The following TBXAS1 variants were observed in gnomAD, a reference collection of about 807,000 sequenced individuals.
The protein encoded by TBXAS1 is thromboxane A synthase 1, also known as thromboxane-A synthase.
A neutral mutation model predicts 60.7 loss-of-function variants in TBXAS1; 48 were observed. The ratio of observed to expected loss-of-function variants is 0.79; its 90% CI spans 0.63 to 1.01. The LOEUF is 1.01. TBXAS1 is among the 50% of genes least tolerant of loss of function. The probability of loss-of-function intolerance (pLI) is 0.00; values close to 1 mark genes in which losing one functional copy is unlikely to be tolerated. For missense variants in TBXAS1, 685 were observed against 686.3 expected, an observed-to-expected ratio of 1.00 and a Z score of 0.02; for synonymous variants, 287 against 269.7, an observed-to-expected ratio of 1.06 and a Z score of -0.63.
In TBXAS1 at chr7:139,990,300, C is replaced by A. The variant is rs184421392; in HGVS notation, c.1135-16791C>A. 4.3e-4 allele frequency among the ~76,000 whole-genome samples: 65 copies of A among 152,334 alleles called. 1 individual carries two copies. The East Asian group carries it at 0.012, about 27-fold the overall frequency. ...GGCTGGCATCCAGGGGACGTGAGGG[C>A]GCATTCGCCCCAGCGCAGCATTCCT... On this transcript the variant is annotated intron_variant, in intron 9 of 12. Coordinates refer to ENST00000448866, the MANE Select transcript of TBXAS1 (RefSeq NM_001061.7).
chr7:139,925,379 C>G (rs1806802614), intron 4 of TBXAS1, among the ~76,000 whole-genome samples: 1 of 152,016 alleles, frequency 6.6e-6, no homozygotes, highest in South Asian at 2.1e-4. Context: ...AAAGTTAATT[C>G]CTAAGTATTT....
chr7:139,923,629 A>G (rs539288301), intron 4 of TBXAS1, among the ~76,000 whole-genome samples: 1 of 152,064 alleles, frequency 6.6e-6, no homozygotes, highest in African/African-American at 2.4e-5. Context: ...CAAACAATCC[A>G]ATTATAATCA....
At chr7:139,795,278 T>C in intron 4 of TBXAS1, among the ~76,000 whole-genome samples, 1 of 118,810 alleles carries the variant, frequency 8.4e-6, no homozygotes, top group South Asian at 3.1e-4. Context: ...ATGATGAGCA[T>C]TTTTTCATGT....
chr7:139,975,859 C>G lies in TBXAS1; in HGVS notation c.1134+13626C>G, dbSNP rs1473565339. Among the ~76,000 whole-genome samples, 1 of 152,200 alleles carries G rather than the reference C, an allele frequency of 6.6e-6. No homozygotes were observed. The highest frequency in any genetic ancestry group is 1.5e-5 in the Non-Finnish European group (1 of 68,030). ...GCATGGGCAGCTTCTCCCCTGACAT[C>G]CCTACCTCCCTGACGCTTAACCCAC... is the stretch of plus-strand genomic sequence containing the variant. On this transcript the variant is annotated intron_variant, in intron 9 of 12. Transcript: ENST00000448866. This position sits in a 1 kb window ranked among gnomAD's most constrained non-coding sequence, Gnocchi z 4.4.
intron 1 of TBXAS1, among the ~76,000 whole-genome samples, chr7:139,868,554 G>T (rs1324103473): frequency 6.6e-6 from 1 of 151,128 alleles, no homozygotes; most frequent in African/African-American, 2.4e-5. Flanking sequence ...TACAAAAGTA[G>T]CTCATTGTAG....
At chr7:139,920,062 A>G (rs773718422) in intron 4 of TBXAS1, among the ~76,000 whole-genome samples, 4 of 152,168 alleles carry the variant, frequency 2.6e-5, no homozygotes, top group Non-Finnish European at 5.9e-5. Context: ...AGTGCAGCAA[A>G]CCCAGCTCAA....
chr7:139,925,357 T>C (rs1806801565), intron 4 of TBXAS1, among the ~76,000 whole-genome samples: 2 of 152,212 alleles, frequency 1.3e-5, no homozygotes, highest in South Asian at 2.1e-4. Flanking sequence ...AGAGATCTTT[T>C]ACTTCTTCAG....
chr7:139,912,831 A>G (rs1434498493), intron 4 of TBXAS1, among the ~76,000 whole-genome samples: 1 of 152,180 alleles, frequency 6.6e-6, no homozygotes, highest in East Asian at 1.9e-4. Context: ...GATGAGTACA[A>G]TTATCATCTC....
rs1286159761 is a variant in TBXAS1 at position 140,014,512 on chromosome 7, G to C, written c.1227-1211G>C. Among the ~76,000 whole-genome samples the C allele has an allele frequency of 2.6e-5, 4 of 152,170 alleles. No homozygotes were observed. The East Asian group carries it at 5.8e-4, about 22-fold the overall frequency. ...AGGATTTAAGAGGCTGGTGGATGCAGAAGAGCCTGCCAATGAGGGAGAAAT... is the reference window on the plus strand; with the variant it reads ...AGGATTTAAGAGGCTGGTGGATGCACAAGAGCCTGCCAATGAGGGAGAAAT... On this transcript the variant is annotated intron_variant, in intron 10 of 12. Transcript: ENST00000448866.
At chr7:139,984,475 C>T (rs1172005554) in intron 9 of TBXAS1, among the ~76,000 whole-genome samples, 6 of 151,910 alleles carry the variant, frequency 3.9e-5, no homozygotes, top group Non-Finnish European at 7.4e-5. Flanking sequence ...CCTCACCTGC[C>T]ACTCCTGGGT....
chr7:140,001,742 C>A (rs1397475518), intron 9 of TBXAS1, among the ~76,000 whole-genome samples: 1 of 152,122 alleles, frequency 6.6e-6, no homozygotes, highest in East Asian at 1.9e-4. Context: ...CAACTAAAAC[C>A]AAAATGAATG....
chr7:139,865,147 C>A (rs1048636215), intron 1 of TBXAS1, among the ~76,000 whole-genome samples: 1 of 152,106 alleles, frequency 6.6e-6, no homozygotes, highest in African/African-American at 2.4e-5. Context: ...GGAGAGGGGG[C>A]TGAACATGAG....
intron 4 of TBXAS1, among the ~76,000 whole-genome samples, chr7:139,787,581 C>T (rs572995350): frequency 4.6e-5 from 7 of 152,182 alleles, no homozygotes; most frequent in African/African-American, 1.7e-4. Flanking sequence ...ATGGCACCAC[C>T]GGGTTCCTGA....
intron 9 of TBXAS1, among the ~76,000 whole-genome samples, chr7:139,977,388 C>A (rs1403360669): frequency 6.6e-6 from 1 of 152,130 alleles, no homozygotes; most frequent in East Asian, 1.9e-4. Flanking sequence ...GACTTACTCA[C>A]TATCACGAGA....
At chr7:139,846,023 T>A (rs777318645) in intron 1 of TBXAS1, among the ~76,000 whole-genome samples, 32 of 151,640 alleles carry the variant, frequency 2.1e-4, no homozygotes, top group Non-Finnish European at 8.8e-5. Context: ...ACGGGGTTTC[T>A]CCATGTTGCC....
intron 9 of TBXAS1, among the ~76,000 whole-genome samples, chr7:139,983,125 G>A (rs539347241): frequency 6.6e-6 from 1 of 152,014 alleles, no homozygotes; most frequent in South Asian, 2.1e-4. Context: ...TTACATCATT[G>A]CTTATGGCAC....
chr7:139,984,576 T>G (rs556766252), intron 9 of TBXAS1, among the ~76,000 whole-genome samples: 3 of 140,132 alleles, frequency 2.1e-5, no homozygotes, highest in African/African-American at 8.0e-5. Flanking sequence ...CAGGACACTA[T>G]TTTGTCCTAG....
intron 4 of TBXAS1, among the ~76,000 whole-genome samples, chr7:139,802,449 C>T (rs756234552): frequency 2.4e-4 from 36 of 152,194 alleles, no homozygotes; most frequent in African/African-American, 7.0e-4. Context: ...ATTCTGTTCT[C>T]GTGATAGTGA....
chr7:139,985,131 G>C lies in TBXAS1; in HGVS notation c.1135-21960G>C, dbSNP rs530331365. On this transcript the variant is annotated intron_variant, in intron 9 of 12. Transcript: ENST00000448866. ...CTTCCTAAGGCAGGACTTTCCACGAGGCTAGACCAGACCAGTGTCCTCCAA... is the reference window on the plus strand; with the variant it reads ...CTTCCTAAGGCAGGACTTTCCACGACGCTAGACCAGACCAGTGTCCTCCAA... Among the ~76,000 whole-genome samples, 14 of 152,282 alleles carry C rather than the reference G, an allele frequency of 9.2e-5. No homozygotes were observed. In the South Asian group the frequency reaches 2.5e-3, roughly 27 times the overall value.
Sources: allele counts gnomAD v4.1 joint callset (sites outside exome capture counted in the v4.1 genomes callset), GRCh38; gene constraint gnomAD v4.1.1; non-coding constraint Gnocchi (gnomAD v3.1); transcripts MANE v1.5; gene names NCBI Gene and HGNC (gene_info 2026-07-23, HGNC 2026-07-21).